MYO10: variants seen among roughly 807,000 people sequenced by gnomAD.
MYO10 encodes the protein myosin X.
In MYO10, 133 loss-of-function variants were observed where a neutral mutation model predicts 257.3. That is an observed-to-expected ratio of 0.52 (90% CI 0.45 to 0.60). The LOEUF is 0.60. Among genes scored for constraint, MYO10 ranks in the 20% least tolerant of loss-of-function variants. MYO10 has a pLI of 0.00. For missense variants in MYO10, 2,399 were observed against 2,635.7 expected, an observed-to-expected ratio of 0.91 and a Z score of 1.97; for synonymous variants, 1,104 against 1,028.6, an observed-to-expected ratio of 1.07 and a Z score of -1.40.
At chr5:16,670,402 G>T in intron 39 of MYO10, 124 bp downstream of exon 39, 1 of 812,220 alleles carries the variant, frequency 1.2e-6, no homozygotes, top group Non-Finnish European at 1.9e-6. Flanking sequence ...CTGGGGGCTC[G>T]AATAAAAGAG....
At chr5:16,768,664 C>CTTTTTTT (rs34950225) in intron 10 of MYO10, among the ~76,000 whole-genome samples, 3,008 of 69,720 alleles carry the variant, frequency 0.043, 49 homozygotes, top group Non-Finnish European at 0.051. Context: ...TTTCTCTTTT[C>CTTTTTTT]TTTTTTTTTT....
intron 2 of MYO10, among the ~76,000 whole-genome samples, chr5:16,855,926 A>T (rs1743947016): frequency 6.6e-6 from 1 of 152,222 alleles, no homozygotes; most frequent in South Asian, 2.1e-4. Context: ...GACCTACGCT[A>T]TTATTAATTA....
intron 4 of MYO10, among the ~76,000 whole-genome samples, chr5:16,787,040 G>A (rs1292778757): frequency 6.6e-6 from 1 of 152,142 alleles, no homozygotes; most frequent in Non-Finnish European, 1.5e-5. Flanking sequence ...ATGGTAGCGG[G>A]TGCCTGTAGT....
Position 16,670,688 on chromosome 5 carries a change from C to T in MYO10, c.5721G>A (p.Gln1907=). The change falls in exon 39 of 41, where the codon CAG becomes CAA. Residue 1907 remains glutamine (Q), a synonymous_variant. Transcript: ENST00000513610. ...SVVRQKVEEE[Q]MLDMWIKEEV... ...CTTCCTTAATCCACATGTCCAGCATCTGCTCCTCCTCGACCTTCTGCCGGA... is the reference window on the plus strand; with the variant it reads ...CTTCCTTAATCCACATGTCCAGCATTTGCTCCTCCTCGACCTTCTGCCGGA... 6.2e-7 allele frequency: 1 copy of T among 1,614,074 alleles called. No individual in the cohort carries two copies. Among genetic ancestry groups the T allele is most frequent in the South Asian group, 1.1e-5 (1 of 91,086 alleles).
chr5:16,833,415 T>C (rs1176338090), intron 2 of MYO10, among the ~76,000 whole-genome samples: 1 of 152,092 alleles, frequency 6.6e-6, no homozygotes, highest in African/African-American at 2.4e-5. Flanking sequence ...GGTTTCACCA[T>C]GTTGGCCAGG....
intron 19 of MYO10, among the ~76,000 whole-genome samples, chr5:16,719,194 G>A (rs1306912552): frequency 6.6e-6 from 1 of 152,164 alleles, no homozygotes; most frequent in Admixed American, 6.5e-5. Context: ...CCAGAAGGAA[G>A]AAACTCCGAA....
chr5:16,879,766 A>G (rs990863313), intron 1 of MYO10, among the ~76,000 whole-genome samples: 1 of 152,246 alleles, frequency 6.6e-6, no homozygotes, highest in Non-Finnish European at 1.5e-5. Context: ...ATGGCCTGTT[A>G]TCACACGTAA....
intron 34 of MYO10, among the ~76,000 whole-genome samples, chr5:16,675,622 C>T (rs760543962): frequency 1.2e-4 from 18 of 152,002 alleles, no homozygotes; most frequent in Admixed American, 3.9e-4. Context: ...CTTGTAATCC[C>T]GGCTACTTAG....
At chr5:16,712,129 G>A (rs1738648871) in intron 19 of MYO10, among the ~76,000 whole-genome samples, 1 of 148,264 alleles carries the variant, frequency 6.7e-6, no homozygotes, top group Non-Finnish European at 1.5e-5. Flanking sequence ...GGGTGGGGAT[G>A]GGGAAGGGGA....
At chr5:16,917,966 C>T (rs71609337) in intron 1 of MYO10, among the ~76,000 whole-genome samples, 10,571 of 152,230 alleles carry the variant, frequency 0.069, 434 homozygotes, top group African/African-American at 0.11. Context: ...CTGATCTAAC[C>T]ATGCTAGCCA....
chr5:16,775,582 T>C (rs990394657), intron 9 of MYO10, among the ~76,000 whole-genome samples: 7 of 149,064 alleles, frequency 4.7e-5, no homozygotes, highest in African/African-American at 1.7e-4. Flanking sequence ...CCACAATGCC[T>C]GGCCAATTTT....
chr5:16,671,035 C>T, intron 38 of MYO10, 57 bp from the exon 39 acceptor site: 13 of 1,451,254 alleles, frequency 9.0e-6, no homozygotes, highest in South Asian at 1.3e-5. Context: ...CATGGGATGC[C>T]CACGTCGCTT....
chr5:16,669,087 A>G (rs572623665), intron 39 of MYO10, among the ~76,000 whole-genome samples: 272 of 152,284 alleles, frequency 1.8e-3, no homozygotes, highest in African/African-American at 6.4e-3. Flanking sequence ...AGGGGCTAAC[A>G]ACACAGGGCT....
intron 11 of MYO10, among the ~76,000 whole-genome samples, chr5:16,765,299 G>A (rs778709475): frequency 1.3e-5 from 2 of 152,148 alleles, no homozygotes; most frequent in African/African-American, 2.4e-5. Flanking sequence ...GCGAAAAGGC[G>A]AGACTGGCAC....
intron 1 of MYO10, among the ~76,000 whole-genome samples, chr5:16,915,148 A>G (rs887549256): frequency 2.0e-5 from 3 of 152,196 alleles, no homozygotes; most frequent in African/African-American, 7.2e-5. Flanking sequence ...TGATCACACA[A>G]ATAAAATCCA....
At chr5:16,783,509 A>AT in intron 4 of MYO10, 40 bp from the exon 5 acceptor site, 1 of 1,579,354 alleles carries the variant, frequency 6.3e-7, no homozygotes, top group Non-Finnish European at 8.6e-7. Flanking sequence ...TCTAACTATA[A>AT]TTTTTAAAAA....
intron 21 of MYO10, among the ~76,000 whole-genome samples, chr5:16,707,020 A>G (rs1342069233): frequency 1.3e-5 from 2 of 152,166 alleles, no homozygotes; most frequent in East Asian, 3.9e-4. Flanking sequence ...AGGTAATTGG[A>G]TCATGGGCGC....
Position 16,701,430 on chromosome 5 carries a change from G to A in MYO10, c.2965C>T (p.Pro989Ser). Residue 989 changes from proline to serine, a missense_variant, in exon 25 of 41, where the codon CCA becomes TCA. Pro to Ser is a moderately conservative substitution (Grantham distance 74). Around this residue, in one of 3 missense-constraint regions of MYO10, gnomAD observed 1,820 missense variants for 1,939.4 expected, o/e 0.94. Coordinates refer to ENST00000513610, the MANE Select transcript of MYO10 (RefSeq NM_012334.3). This position sits in a 1 kb window ranked among gnomAD's most constrained non-coding sequence, Gnocchi z 8.1. ...KPNFNFSQPY[P>S]EEEVDEGFEA... ...AAGCCCTCATCGACCTCCTCCTCTG[G>A]GTAGGGCTGGCTGAAGTTGAAGTTG... 1 of 1,614,006 alleles carries A rather than the reference G, an allele frequency of 6.2e-7. No individual in the cohort carries two copies. Among genetic ancestry groups the A allele is most frequent in the Non-Finnish European group, 8.5e-7 (1 of 1,179,902 alleles).
intron 19 of MYO10, among the ~76,000 whole-genome samples, chr5:16,730,761 C>A (rs13360149): frequency 0.063 from 9,588 of 152,216 alleles, 690 homozygotes; most frequent in African/African-American, 0.16. Flanking sequence ...CCTAGACAAC[C>A]TGAGATGGGA....
Sources: gnomAD v4.1 joint callset for allele counts (sites outside exome capture counted in the v4.1 genomes callset) on GRCh38, gnomAD v4.1.1 for gene constraint, gnomAD v4.1.1 regional missense constraint, Gnocchi (gnomAD v3.1) non-coding constraint, MANE v1.5 for transcripts, NCBI Gene and HGNC (gene_info 2026-07-23, HGNC 2026-07-21) for gene names.